IL16: variants seen among roughly 807,000 people sequenced by gnomAD.
The protein encoded by IL16 is pro-interleukin-16.
IL16 carries 67 observed loss-of-function variants against 110.1 expected under a neutral mutation model. The observed-to-expected ratio is 0.61, with a 90% confidence interval of 0.50 to 0.75. The LOEUF is 0.75. IL16 is among the 30% of genes least tolerant of loss of function. The probability of loss-of-function intolerance (pLI) is 0.00; values close to 1 mark genes in which losing one functional copy is unlikely to be tolerated. For missense variants in IL16, 1,545 were observed against 1,655.0 expected, an observed-to-expected ratio of 0.93 and a Z score of 1.15; for synonymous variants, 689 against 662.9, an observed-to-expected ratio of 1.04 and a Z score of -0.61.
At chr15:81,212,390 A>T (rs1433761738) in intron 1 of IL16, among the ~76,000 whole-genome samples, 4 of 152,016 alleles carry the variant, frequency 2.6e-5, no homozygotes, top group Non-Finnish European at 5.9e-5. Flanking sequence ...TGTTTATGTG[A>T]TCTATGTACT....
At chr15:81,249,420 C>G (rs76949197) in intron 2 of IL16, among the ~76,000 whole-genome samples, 1 of 150,812 alleles carries the variant, frequency 6.6e-6, no homozygotes. Flanking sequence ...TTTTTTTTTT[C>G]TGTCTGTAAA....
rs1900545173 is a variant in IL16, at chr15:81,306,172, T to C, written c.3679+6T>C. ...TGATGTTTCTGTAGAATCTAGTAAGTTCTCCCAACTCAGTGGAAGCCACAT... is the reference window on the plus strand; with the variant it reads ...TGATGTTTCTGTAGAATCTAGTAAGCTCTCCCAACTCAGTGGAAGCCACAT... On this transcript the variant is annotated splice_donor_region_variant and intron_variant, in intron 17 of 18. Transcript: ENST00000683961. 6.2e-7 allele frequency: 1 copy of C among 1,612,468 alleles called. No individual in the cohort carries two copies.
chr15:81,194,792 G>A (rs1895555049), upstream of IL16, among the ~76,000 whole-genome samples: 1 of 152,150 alleles, frequency 6.6e-6, no homozygotes. Flanking sequence ...ACACTGTGCA[G>A]TAGAAGTTTC....
intron 13 of IL16, 143 bp from the exon 14 acceptor site, chr15:81,299,237 A>C: frequency 7.4e-7 from 1 of 1,352,964 alleles, no homozygotes; most frequent in Non-Finnish European, 1.0e-6. Flanking sequence ...TAGCACCTGG[A>C]GTTCACCCAC....
intron 6 of IL16, among the ~76,000 whole-genome samples, chr15:81,277,680 G>A (rs1371316403): frequency 2.0e-5 from 3 of 152,138 alleles, no homozygotes; most frequent in African/African-American, 4.8e-5. Flanking sequence ...GCCTCACAAA[G>A]CGCTGGGATT....
intron 2 of IL16, among the ~76,000 whole-genome samples, chr15:81,232,471 T>C (rs1897041807): frequency 6.6e-6 from 1 of 152,136 alleles, no homozygotes; most frequent in African/African-American, 2.4e-5. Context: ...TTTGTTGTAG[T>C]TTTTTTGTAG....
rs751490307 is a variant in IL16, at chr15:81,198,789, G to T, written c.-102+1637G>T. 6.1e-4 allele frequency among the ~76,000 whole-genome samples: 93 copies of T among 151,764 alleles called. 2 individuals are homozygous for T. Among genetic ancestry groups the T allele is most frequent in the Middle Eastern group, 6.8e-3 (2 of 294 alleles). On this transcript the variant is annotated intron_variant, in intron 1 of 18. Coordinates refer to ENST00000683961, the MANE Select transcript of IL16 (RefSeq NM_172217.5). ...AATCCCAGCAATTTGAGAGGCCGAG[G>T]CGGGCGGATCACTTGAGGTCAGGAG...
rs563526046 is a variant in IL16 at position 81,299,831 on chromosome 15, C to T, written c.2505C>T (p.Ser835=). The T allele has an allele frequency of 1.2e-6, 2 of 1,614,060 alleles. No homozygotes were observed. The highest frequency in any genetic ancestry group is 2.2e-5 in the East Asian group (1 of 44,886). The change falls in exon 14 of 19, where the codon TCC becomes TCT. Residue 835 remains serine (S), a synonymous_variant. Transcript: ENST00000683961. ...GATCACACATCCGGGCCTCCTCCTCCTCCTCCTCCATCAGGCAGAGAATCA... is the reference window on the plus strand; with the variant it reads ...GATCACACATCCGGGCCTCCTCCTCTTCCTCCTCCATCAGGCAGAGAATCA... ...HLGSHIRASS[S]SSSIRQRISS...
At chr15:81,226,083 A>G (rs1163417736) in intron 2 of IL16, among the ~76,000 whole-genome samples, 1 of 152,212 alleles carries the variant, frequency 6.6e-6, no homozygotes, top group Non-Finnish European at 1.5e-5. Flanking sequence ...AGACTTATAG[A>G]AACAGACTTA....
At chr15:81,285,867 C>T in intron 10 of IL16, 37 bp downstream of exon 10, 1 of 1,609,350 alleles carries the variant, frequency 6.2e-7, no homozygotes, top group Non-Finnish European at 8.5e-7. Flanking sequence ...TTCTCAGGCT[C>T]ACTCGTTCAG....
At chr15:81,188,588 C>T (rs1895450706) in intron 1 of IL16, among the ~76,000 whole-genome samples, 1 of 152,186 alleles carries the variant, frequency 6.6e-6, no homozygotes, top group Non-Finnish European at 1.5e-5. Context: ...GACCAGTGCT[C>T]TTTTCAATGC....
At chr15:81,265,218 G>C (rs1898320513) in intron 3 of IL16, among the ~76,000 whole-genome samples, 1 of 152,296 alleles carries the variant, frequency 6.6e-6, no homozygotes, top group African/African-American at 2.4e-5. Context: ...AGTCAGATAG[G>C]ATCTCCCCTG....
chr15:81,255,028 A>G (rs547966959), intron 2 of IL16, among the ~76,000 whole-genome samples: 4 of 152,186 alleles, frequency 2.6e-5, no homozygotes, highest in Non-Finnish European at 5.9e-5. Flanking sequence ...GAGTCATGAG[A>G]GAGTTAGTGC....
rs199906235 is a variant in IL16, at chr15:81,225,599, C to G, written c.200C>G (p.Ser67Trp). 7 of 1,613,928 alleles carry G rather than the reference C, an allele frequency of 4.3e-6. No individual in the cohort carries two copies. Among genetic ancestry groups the G allele is most frequent in the Non-Finnish European group, 5.9e-6 (7 of 1,179,996 alleles). ...FHSSVQLADT[S>W]EAGPSSVPDL... ...TCATCTGTGCAGCTGGCAGACACAT[C>G]GGAGGCTGGGCCCAGCAGTGTTCCT... The change falls in exon 2 of 19, where the codon TCG (serine) becomes TGG (tryptophan). Residue 67 changes from serine to tryptophan, a missense_variant. Ser to Trp is a radical substitution (Grantham distance 177). Coordinates refer to ENST00000683961, the MANE Select transcript of IL16 (RefSeq NM_172217.5).
rs59889952 is a variant in IL16 at position 81,207,843 on chromosome 15, G to GT, written c.-102+10705dup. On this transcript the variant is annotated intron_variant, in intron 1 of 18. Coordinates refer to ENST00000683961, the MANE Select transcript of IL16 (RefSeq NM_172217.5). ...ACAATGAGCATACAAGTGCATGTGGGTTTTTTTTTTTTTTGGTATAATGAT... is the reference window on the plus strand; with the variant it reads ...ACAATGAGCATACAAGTGCATGTGGGTTTTTTTTTTTTTTTGGTATAATGAT... Among the ~76,000 whole-genome samples the GT allele has an allele frequency of 2.2e-3, 322 of 143,346 alleles. 2 individuals carry two copies. The highest frequency in any genetic ancestry group is 7.6e-3 in the East Asian group (38 of 4,970). The allele number at this position is 143,346 out of a possible 152,430, so 94.0% of individuals were successfully genotyped here.
intron 2 of IL16, among the ~76,000 whole-genome samples, chr15:81,236,520 A>G (rs1379084947): frequency 1.3e-5 from 2 of 152,180 alleles, no homozygotes; most frequent in African/African-American, 4.8e-5. Flanking sequence ...CCCCAATTCA[A>G]TGTGATTTCT....
intron 2 of IL16, 35 bp downstream of exon 2, chr15:81,225,746 C>G (rs897484383): frequency 6.6e-7 from 1 of 1,507,444 alleles, no homozygotes; most frequent in African/African-American, 1.4e-5. Context: ...AACTAGCCTG[C>G]AGTTGGTTTC....
intron 10 of IL16, among the ~76,000 whole-genome samples, chr15:81,287,150 T>C (rs1335693059): frequency 6.6e-6 from 1 of 152,120 alleles, no homozygotes; most frequent in Non-Finnish European, 1.5e-5. Context: ...TTGGGAAGAC[T>C]CAACAAGAGC....
chr15:81,301,647 A>G, intron 15 of IL16, 135 bp downstream of exon 15: 1 of 673,622 alleles, frequency 1.5e-6, no homozygotes, highest in Non-Finnish European at 2.5e-6. Flanking sequence ...TGATGGTGGG[A>G]CACTGTAGCA....
Sources: gnomAD v4.1 joint callset for allele counts (sites outside exome capture counted in the v4.1 genomes callset) on GRCh38, gnomAD v4.1.1 for gene constraint, MANE v1.5 for transcripts, NCBI Gene and HGNC (gene_info 2026-07-23, HGNC 2026-07-21) for gene names.